The following OPHN1 variants were observed in gnomAD, a reference collection of about 807,000 sequenced individuals.
OPHN1 encodes the protein oligophrenin 1, also known as oligophrenin-1.
Under a neutral mutation model 60.7 loss-of-function variants are expected in OPHN1, and 11 were observed. The ratio of observed to expected loss-of-function variants is 0.18; its 90% CI spans 0.11 to 0.30. The LOEUF (loss-of-function observed/expected upper bound fraction) is 0.30, where lower values mean the gene tolerates loss of function less well. Among genes scored for constraint, OPHN1 ranks in the 10% least tolerant of loss-of-function variants. OPHN1 has a pLI of 1.00. For missense variants in OPHN1, 449 were observed against 611.0 expected, an observed-to-expected ratio of 0.73 and a Z score of 2.80; for synonymous variants, 226 against 222.6, an observed-to-expected ratio of 1.02 and a Z score of -0.14.
chrX:68,053,098 C>T (rs1317706426), intron 22 of OPHN1, among the ~76,000 whole-genome samples: 1 of 111,704 alleles, frequency 9.0e-6, no homozygotes, highest in Non-Finnish European at 1.9e-5. Flanking sequence ...GCTGTGGTCC[C>T]ACCCTAGCTG....
At chrX:68,142,833 T>C (rs2077249068) in intron 15 of OPHN1, among the ~76,000 whole-genome samples, 1 of 112,077 alleles carries the variant, frequency 8.9e-6, no homozygotes, top group South Asian at 3.7e-4. Context: ...GAATAAGTGG[T>C]CAAATGGAAA....
intron 2 of OPHN1, among the ~76,000 whole-genome samples, chrX:68,403,505 G>A (rs138532916): frequency 0.02 from 2,205 of 111,392 alleles, 20 homozygotes; most frequent in Non-Finnish European, 0.032. Flanking sequence ...GCAATTTTTT[G>A]AGCATGTGCA....
intron 6 of OPHN1, among the ~76,000 whole-genome samples, chrX:68,214,744 C>A (rs773006624): frequency 8.9e-6 from 1 of 112,148 alleles, no homozygotes; most frequent in African/African-American, 3.2e-5. Flanking sequence ...CACCTGTAAT[C>A]CCAGCACTTT....
intron 15 of OPHN1, among the ~76,000 whole-genome samples, chrX:68,174,491 A>G: frequency 6.0e-5 from 1 of 16,630 alleles, no homozygotes. Context: ...TTTTTTTTTG[A>G]GACAGAGTCT....
intron 23 of OPHN1, among the ~76,000 whole-genome samples, chrX:68,051,642 G>T (rs781684721): frequency 5.5e-4 from 61 of 110,611 alleles, no homozygotes; most frequent in Non-Finnish European, 9.4e-5. Flanking sequence ...CCTGTCAGCT[G>T]CCCTTTGAGT....
chrX:68,301,871 C>T (rs757809168), intron 2 of OPHN1, among the ~76,000 whole-genome samples: 1 of 112,217 alleles, frequency 8.9e-6, no homozygotes, highest in Non-Finnish European at 1.9e-5. Flanking sequence ...GCTTTTTAGG[C>T]ACTTTGAACT....
chrX:68,224,546 A>T (rs752000331), intron 6 of OPHN1, among the ~76,000 whole-genome samples: 1 of 112,213 alleles, frequency 8.9e-6, no homozygotes, highest in East Asian at 2.8e-4. Flanking sequence ...GAATTAAATA[A>T]AAATGAAAAC....
At chrX:68,329,665 A>T (rs2078285153) in intron 2 of OPHN1, among the ~76,000 whole-genome samples, 1 of 112,043 alleles carries the variant, frequency 8.9e-6, no homozygotes, top group African/African-American at 3.2e-5. Context: ...TTTCTTAAGG[A>T]CCTGGGGATC....
chrX:68,387,296 C>T (rs1399772683), intron 2 of OPHN1, among the ~76,000 whole-genome samples: 2 of 108,333 alleles, frequency 1.8e-5, no homozygotes, highest in Non-Finnish European at 3.8e-5. Flanking sequence ...ATCCTAAATC[C>T]CTACGCGTTT....
intron 15 of OPHN1, among the ~76,000 whole-genome samples, chrX:68,145,625 A>C (rs2077260661): frequency 8.9e-6 from 1 of 112,022 alleles, no homozygotes; most frequent in African/African-American, 3.2e-5. Context: ...TAAATACTGT[A>C]ATCAATTCCT....
At chrX:68,053,928 G>A in intron 21 of OPHN1, 118 bp from the exon 22 acceptor site, 1 of 713,385 alleles carries the variant, frequency 1.4e-6, no homozygotes, top group Non-Finnish European at 2.1e-6. Flanking sequence ...ATTTCTTCTT[G>A]GTGACTAACA....
chrX:68,183,808 C>G (rs1387889192), intron 15 of OPHN1, among the ~76,000 whole-genome samples: 1 of 112,527 alleles, frequency 8.9e-6, no homozygotes, highest in Admixed American at 9.4e-5. Context: ...CTTGTTTTCT[C>G]CTACTAATCT....
intron 15 of OPHN1, among the ~76,000 whole-genome samples, chrX:68,125,824 C>A (rs758564715): frequency 9.8e-6 from 1 of 101,822 alleles, no homozygotes; most frequent in East Asian, 3.1e-4. Flanking sequence ...TACTTCCAAA[C>A]TCACTCTACG....
chrX:68,080,584 T>G, intron 19 of OPHN1, among the ~76,000 whole-genome samples: 1 of 112,308 alleles, frequency 8.9e-6, no homozygotes, highest in Admixed American at 9.4e-5. Flanking sequence ...AGCCTCTGGG[T>G]CATGCTTTTA....
Position 68,195,057 on chromosome X carries a change from AG to A in OPHN1, c.1105-560del, listed in dbSNP as rs1209948301. Among the ~76,000 whole-genome samples, 763 of 101,665 alleles carry A rather than the reference AG, an allele frequency of 7.5e-3. 10 individuals are homozygous for A. Among genetic ancestry groups the A allele is most frequent in the African/African-American group, 0.022 (524 of 23,475 alleles). The allele number at this position is 101,665 out of a possible 115,157, so 88.3% of individuals were successfully genotyped here. ...AAGGAAGGAAGGAAGGAAGGAAGGA[AG>A]GAAGGAAGAAAGAAAGAAAATACTT... On this transcript the variant is annotated intron_variant, in intron 12 of 24. Coordinates refer to ENST00000355520, the MANE Select transcript of OPHN1 (RefSeq NM_002547.3).
At chrX:68,207,188 G>A (rs2147475103) in intron 9 of OPHN1, among the ~76,000 whole-genome samples, 1 of 106,898 alleles carries the variant, frequency 9.4e-6, no homozygotes, top group Admixed American at 1.0e-4. Context: ...GAGTGCAGTG[G>A]CGCAATCTCA....
chrX:68,280,558 G>A (rs1331690622), intron 4 of OPHN1, among the ~76,000 whole-genome samples: 1 of 111,630 alleles, frequency 9.0e-6, no homozygotes, highest in Non-Finnish European at 1.9e-5. Flanking sequence ...GATTTTATAG[G>A]TAAATTAGTT....
chrX:68,361,941 T>C (rs1486134739), intron 2 of OPHN1, among the ~76,000 whole-genome samples: 1 of 112,196 alleles, frequency 8.9e-6, no homozygotes, highest in African/African-American at 3.2e-5. Flanking sequence ...ATGGTTGTGA[T>C]TTCAATTTGC....
At chrX:68,096,067 C>T (rs949473782) in intron 19 of OPHN1, among the ~76,000 whole-genome samples, 3 of 111,312 alleles carry the variant, frequency 2.7e-5, no homozygotes, top group East Asian at 2.8e-4. Flanking sequence ...GGCACTTTGG[C>T]GTTTGTGGAA....
Sources: allele counts gnomAD v4.1 joint callset (sites outside exome capture counted in the v4.1 genomes callset), GRCh38; gene constraint gnomAD v4.1.1; transcripts MANE v1.5; gene names NCBI Gene and HGNC (gene_info 2026-07-23, HGNC 2026-07-21).